The following TC2N variants were observed in gnomAD, a reference collection of about 807,000 sequenced individuals.
The protein encoded by TC2N is tandem C2 domains nuclear protein.
In TC2N, 51 loss-of-function variants were observed where a neutral mutation model predicts 61.9. That is an observed-to-expected ratio of 0.82 (90% confidence interval 0.66 to 1.04). TC2N has a LOEUF of 1.04. Among genes scored for constraint, TC2N ranks in the 50% least tolerant of loss-of-function variants. The pLI is 0.00. For synonymous variants in TC2N, 204 were observed against 192.6 expected, an observed-to-expected ratio of 1.06 and a Z score of -0.49; for missense variants, 556 against 566.7, an observed-to-expected ratio of 0.98 and a Z score of 0.19.
At position 91,779,961 on chromosome 14, in the gene TC2N, T is replaced by A. The variant is rs1270153724; in HGVS notation, c.*3139A>T. ...TTAACTCTTTTAATATATTTCTAAA[T>A]CTTAAATCTATATTTCAAAATGAAC... On this transcript the variant is annotated 3_prime_UTR_variant, in exon 12 of 12. Coordinates refer to ENST00000435962, the MANE Select transcript of TC2N (RefSeq NM_001128596.3). The A allele has an allele frequency of 6.6e-6, 1 of 152,198 alleles. No individual in the cohort carries two copies. Among genetic ancestry groups the A allele is most frequent in the Non-Finnish European group, 1.5e-5 (1 of 68,038 alleles). 9.4% of individuals were successfully genotyped at this position (152,198 alleles called of 1,614,324 possible).
At chr14:91,823,529 AAAAAAAG>A (rs1023805399) in intron 1 of TC2N, among the ~76,000 whole-genome samples, 4 of 5,492 alleles carry the variant, frequency 7.3e-4, no homozygotes, top group Non-Finnish European at 6.6e-3. Flanking sequence ...TCAAAAAAAA[AAAAAAAG>A]AAAAAAGAAA....
At chr14:91,802,102 G>T in intron 4 of TC2N, 152 bp downstream of exon 4, 1 of 573,270 alleles carries the variant, frequency 1.7e-6, no homozygotes, top group Non-Finnish European at 2.8e-6. Context: ...ATACTACAGA[G>T]ATGTCATAAC....
At position 91,800,941 on chromosome 14, in the gene TC2N, GATAT is replaced by G. The variant is rs544510219; in HGVS notation, c.470-573_470-570del. ...CACCCTAAATTCACTGGTTGAGAGA[GATAT>G]ATATATATACACACACACATATGTA... is the stretch of plus-strand genomic sequence containing the variant. On this transcript the variant is annotated intron_variant, in intron 4 of 11. Transcript: ENST00000435962. 3.0e-3 allele frequency among the ~76,000 whole-genome samples: 307 copies of G among 101,580 alleles called. 8 individuals carry two copies. The South Asian group carries it at 0.058, about 19-fold the overall frequency. 66.6% of individuals were successfully genotyped at this position (101,580 alleles called of 152,430 possible). A position where few individuals can be genotyped will look rare whatever the true frequency, so the allele number is the denominator to read the frequency against.
At position 91,811,231 on chromosome 14, in the gene TC2N, T is replaced by G. The variant is rs1440317773; in HGVS notation, c.301+1081A>C. On this transcript the variant is annotated intron_variant, in intron 3 of 11. Transcript: ENST00000435962. ...GTCTTCAATTTACTCTGAAATTCAT[T>G]CCTCTCCAAAAAGTGGATTAATAAT... is the stretch of plus-strand genomic sequence containing the variant. 2.0e-5 allele frequency among the ~76,000 whole-genome samples: 3 copies of G among 150,206 alleles called. No homozygotes were observed. The East Asian group carries it at 5.8e-4, about 29-fold the overall frequency.
At chr14:91,818,154 G>GGCAGC in intron 1 of TC2N, among the ~76,000 whole-genome samples, 1 of 152,224 alleles carries the variant, frequency 6.6e-6, no homozygotes, top group South Asian at 2.1e-4. Flanking sequence ...GAAAGTATGT[G>GGCAGC]GAGAATAAGG....
intron 3 of TC2N, among the ~76,000 whole-genome samples, chr14:91,805,217 G>C (rs536634431): frequency 6.6e-6 from 1 of 152,058 alleles, no homozygotes; most frequent in South Asian, 2.1e-4. Context: ...GTGGATGTTT[G>C]TGTCTAAGTT....
At chr14:91,789,569 C>T (rs184130171) in intron 9 of TC2N, among the ~76,000 whole-genome samples, 3 of 151,548 alleles carry the variant, frequency 2.0e-5, no homozygotes, top group East Asian at 3.9e-4. Flanking sequence ...CGAGATTGCA[C>T]CACTGCACTC....
chr14:91,825,147 C>A (rs995463796), intron 1 of TC2N, among the ~76,000 whole-genome samples: 10 of 150,656 alleles, frequency 6.6e-5, no homozygotes, highest in Non-Finnish European at 1.3e-4. Flanking sequence ...CAATTCCCTG[C>A]CTCAGCCTCC....
intron 7 of TC2N, among the ~76,000 whole-genome samples, 186 bp from the exon 8 acceptor site, chr14:91,798,087 C>T (rs118074315): frequency 0.016 from 2,407 of 151,820 alleles, 29 homozygotes; most frequent in Non-Finnish European, 0.025. Flanking sequence ...TGTCAATTTC[C>T]CTCTTGAGCT....
At chr14:91,821,828 A>T (rs1430895095) in intron 1 of TC2N, among the ~76,000 whole-genome samples, 2 of 152,116 alleles carry the variant, frequency 1.3e-5, no homozygotes, top group Non-Finnish European at 2.9e-5. Context: ...TAACCCAATT[A>T]AAAAATAGGC....
rs1555373188 is a variant in TC2N at position 91,858,152 on chromosome 14, C to CTTCTTT, written c.-57+9109_-57+9110insAAAGAA. 3.1e-3 allele frequency among the ~76,000 whole-genome samples: 287 copies of CTTCTTT among 92,342 alleles called. 2 individuals carry two copies. Among genetic ancestry groups the CTTCTTT allele is most frequent in the East Asian group, 7.2e-3 (22 of 3,048 alleles). The allele number at this position is 92,342 out of a possible 152,430, so 60.6% of individuals were successfully genotyped here. On this transcript the variant is annotated intron_variant, in intron 1 of 11. Coordinates refer to ENST00000435962, the MANE Select transcript of TC2N (RefSeq NM_001128596.3). The stretch of plus-strand genomic sequence containing the variant: ...GGCTGATTCTTTCTTTCTTCTTCTT[C>CTTCTTT]TTTTTTTTTTTTTTTTTTTTGGTAA...
At chr14:91,836,169 G>T in intron 1 of TC2N, 1 of 152,846 alleles carries the variant, frequency 6.5e-6, no homozygotes, top group Non-Finnish European at 1.5e-5. Flanking sequence ...AAAAGAGACA[G>T]AACTGACACT....
intron 11 of TC2N, 109 bp downstream of exon 11, chr14:91,785,053 G>A: frequency 1.1e-5 from 7 of 655,730 alleles, no homozygotes; most frequent in Non-Finnish European, 1.7e-5. Flanking sequence ...GATTTATGAT[G>A]CTGAAGAACT....
At chr14:91,838,364 T>C (rs1356353917) in intron 1 of TC2N, among the ~76,000 whole-genome samples, 4 of 152,142 alleles carry the variant, frequency 2.6e-5, no homozygotes, top group South Asian at 2.1e-4. Context: ...CAGGCTGGTC[T>C]GAAACTCCTG....
chr14:91,828,055 AT>A (rs1338712534), intron 1 of TC2N, among the ~76,000 whole-genome samples: 1 of 152,044 alleles, frequency 6.6e-6, no homozygotes, highest in Admixed American at 6.6e-5. Flanking sequence ...CATTCCTTCC[AT>A]TTCATTCTTT....
chr14:91,796,521 A>ATG (rs1427646517), intron 8 of TC2N, among the ~76,000 whole-genome samples: 1 of 152,076 alleles, frequency 6.6e-6, no homozygotes, highest in East Asian at 1.9e-4. Context: ...GTCACTGTAG[A>ATG]TGTGATCAGT....
chr14:91,865,149 C>T (rs1268254970), intron 1 of TC2N, among the ~76,000 whole-genome samples: 1 of 152,100 alleles, frequency 6.6e-6, no homozygotes, highest in Non-Finnish European at 1.5e-5. Flanking sequence ...CATGCAGTTC[C>T]CCTCTGAAAG....
intron 1 of TC2N, among the ~76,000 whole-genome samples, chr14:91,852,657 G>A (rs548100859): frequency 4.7e-4 from 71 of 152,270 alleles, no homozygotes; most frequent in African/African-American, 1.7e-3. Flanking sequence ...ATCTTAGCTT[G>A]ACCAGTAAAC....
intron 1 of TC2N, among the ~76,000 whole-genome samples, chr14:91,863,591 AGAAGG>A (rs1323401010): frequency 1.3e-5 from 2 of 152,154 alleles, no homozygotes; most frequent in Admixed American, 1.3e-4. Flanking sequence ...AATTGGTTAA[AGAAGG>A]GAAGCTTTGT....
Sources: gnomAD v4.1 joint callset for allele counts (sites outside exome capture counted in the v4.1 genomes callset) on GRCh38, gnomAD v4.1.1 for gene constraint, MANE v1.5 for transcripts, NCBI Gene and HGNC (gene_info 2026-07-23, HGNC 2026-07-21) for gene names.